The following RBFOX1 variants were observed in gnomAD, a reference collection of about 807,000 sequenced individuals.
RBFOX1 encodes RNA binding protein fox-1 homolog 1.
A neutral mutation model predicts 57.7 loss-of-function variants in RBFOX1; 8 were observed. That is an observed-to-expected ratio of 0.14 (90% CI 0.08 to 0.25). RBFOX1 has a LOEUF of 0.25. RBFOX1 is among the 10% of genes least tolerant of loss of function. The probability of loss-of-function intolerance (pLI) is 1.00; values close to 1 mark genes in which losing one functional copy is unlikely to be tolerated. For missense variants in RBFOX1, 611 were observed against 548.5 expected, an observed-to-expected ratio of 1.11 and a Z score of -1.14; for synonymous variants, 326 against 222.4, an observed-to-expected ratio of 1.47 and a Z score of -4.15.
At chr16:6,644,122 TC>T (rs2098514435) in intron 2 of RBFOX1, among the ~76,000 whole-genome samples, 2 of 152,192 alleles carry the variant, frequency 1.3e-5, no homozygotes, top group Non-Finnish European at 2.9e-5. Flanking sequence ...CGAGACTCCA[TC>T]TCAATAATAA....
At chr16:5,623,673 C>T (rs774224013) in intron 3 of RBFOX1, among the ~76,000 whole-genome samples, 2 of 152,156 alleles carry the variant, frequency 1.3e-5, no homozygotes, top group African/African-American at 4.8e-5. Context: ...GTCTCTCTCT[C>T]TTCTCCCTAC....
chr16:6,825,446 G>T (rs1013342062), intron 3 of RBFOX1, among the ~76,000 whole-genome samples: 30 of 152,066 alleles, frequency 2.0e-4, no homozygotes, highest in Non-Finnish European at 3.1e-4. Context: ...AAAAGGGAAA[G>T]GAAAAATAAC....
intron 9 of RBFOX1, among the ~76,000 whole-genome samples, chr16:7,606,406 C>A (rs909472031): frequency 1.3e-5 from 2 of 152,180 alleles, no homozygotes; most frequent in Non-Finnish European, 2.9e-5. Context: ...CAGGCATGAG[C>A]CACTTCACCC....
chr16:6,729,861 A>G (rs2068097598), intron 3 of RBFOX1, among the ~76,000 whole-genome samples: 1 of 152,156 alleles, frequency 6.6e-6, no homozygotes, highest in Non-Finnish European at 1.5e-5. Context: ...GGAGTTTGGA[A>G]GAAAGCTGCT....
At chr16:5,550,376 C>T (rs1448228787) in intron 2 of RBFOX1, among the ~76,000 whole-genome samples, 4 of 152,164 alleles carry the variant, frequency 2.6e-5, no homozygotes, top group Non-Finnish European at 4.4e-5. Flanking sequence ...AAAGGCAGCT[C>T]ATTCTTCAGG....
At chr16:5,654,625 C>T (rs549698595) in intron 3 of RBFOX1, among the ~76,000 whole-genome samples, 1 of 152,182 alleles carries the variant, frequency 6.6e-6, no homozygotes, top group South Asian at 2.1e-4. Flanking sequence ...CTGAGCCTCC[C>T]AAAGCCTCAA....
chr16:7,504,070 T>G (rs1479665118), intron 4 of RBFOX1, among the ~76,000 whole-genome samples: 1 of 152,128 alleles, frequency 6.6e-6, no homozygotes, highest in Non-Finnish European at 1.5e-5. Context: ...TATTTGAAAA[T>G]AAAAAATTAA....
intron 2 of RBFOX1, among the ~76,000 whole-genome samples, chr16:6,561,340 T>C (rs935076378): frequency 3.9e-5 from 6 of 152,172 alleles, no homozygotes; most frequent in Non-Finnish European, 8.8e-5. Context: ...GTAATACATA[T>C]TTACCTGGTA....
chr16:6,424,633 G>C, intron 2 of RBFOX1, among the ~76,000 whole-genome samples: 2 of 152,234 alleles, frequency 1.3e-5, no homozygotes, highest in Admixed American at 1.3e-4. Flanking sequence ...GTGTGTGAAC[G>C]TGGGGAGATA....
chr16:5,295,256 AC>A (rs2063638022), intron 1 of RBFOX1, among the ~76,000 whole-genome samples: 1 of 152,102 alleles, frequency 6.6e-6, no homozygotes, highest in Non-Finnish European at 1.5e-5. Flanking sequence ...GGAGACTGAG[AC>A]CAGAACTCTG....
At chr16:7,255,066 ATAATAT>A (rs1240539112) in intron 4 of RBFOX1, among the ~76,000 whole-genome samples, 1 of 152,172 alleles carries the variant, frequency 6.6e-6, no homozygotes, top group East Asian at 1.9e-4. Flanking sequence ...TATTTTATTC[ATAATAT>A]TAACGTTAGC....
At chr16:5,595,247 C>G (rs930361217) in intron 2 of RBFOX1, among the ~76,000 whole-genome samples, 3 of 152,184 alleles carry the variant, frequency 2.0e-5, no homozygotes, top group African/African-American at 7.2e-5. Context: ...CTAATGCCAC[C>G]TCTGGGAGCT....
rs75507129 is a variant in RBFOX1 at position 7,124,303 on chromosome 16, A to G, written c.27+72205A>G. On this transcript the variant is annotated intron_variant, in intron 4 of 15. Transcript: ENST00000550418. ...GTGGTGTGTGCCTTTGGTTCTAGCTACTCAGGAGACTGAGGTGGGAGGATC... is the reference window on the plus strand; with the variant it reads ...GTGGTGTGTGCCTTTGGTTCTAGCTGCTCAGGAGACTGAGGTGGGAGGATC... Among the ~76,000 whole-genome samples, 903 of 152,184 alleles carry G rather than the reference A, an allele frequency of 5.9e-3. 12 individuals carry two copies. The highest frequency in any genetic ancestry group is 0.021 in the African/African-American group (852 of 41,520).
intron 10 of RBFOX1, among the ~76,000 whole-genome samples, chr16:7,622,005 A>G (rs1023100276): frequency 1.3e-5 from 2 of 152,158 alleles, no homozygotes; most frequent in African/African-American, 2.4e-5. Context: ...CACTAGTCAA[A>G]TGTTACTGTG....
chr16:6,466,978 TAATG>T (rs1416282327), intron 2 of RBFOX1, among the ~76,000 whole-genome samples: 1 of 151,690 alleles, frequency 6.6e-6, no homozygotes, highest in African/African-American at 2.4e-5. Flanking sequence ...TAATTACACT[TAATG>T]AAATATAAAT....
At chr16:6,265,951 C>T (rs917062773) in intron 1 of RBFOX1, among the ~76,000 whole-genome samples, 4 of 152,136 alleles carry the variant, frequency 2.6e-5, no homozygotes, top group African/African-American at 9.7e-5. Context: ...TATTGTGGGT[C>T]CATGGTAGGT....
chr16:6,836,776 T>C (rs1242732281), intron 3 of RBFOX1, among the ~76,000 whole-genome samples: 1 of 152,198 alleles, frequency 6.6e-6, no homozygotes, highest in Non-Finnish European at 1.5e-5. Context: ...TTACAGAAAT[T>C]TCTAATTTCT....
intron 4 of RBFOX1, among the ~76,000 whole-genome samples, chr16:7,065,997 C>CAA (rs369569262): frequency 0.024 from 3,610 of 151,972 alleles, 134 homozygotes; most frequent in African/African-American, 0.082. Context: ...TAAATAACAA[C>CAA]AAAAAAAAAC....
intron 1 of RBFOX1, among the ~76,000 whole-genome samples, chr16:6,041,881 C>T (rs2095439990): frequency 6.6e-6 from 1 of 152,094 alleles, no homozygotes; most frequent in East Asian, 1.9e-4. Flanking sequence ...TTTTAAAGTT[C>T]TATAGCTCAG....
Sources: allele counts gnomAD v4.1 joint callset (sites outside exome capture counted in the v4.1 genomes callset), GRCh38; gene constraint gnomAD v4.1.1; transcripts MANE v1.5; gene names NCBI Gene and HGNC (gene_info 2026-07-23, HGNC 2026-07-21).